Variants in LIPA observed in about 807,000 individuals in gnomAD.
LIPA encodes lysosomal acid lipase/cholesteryl ester hydrolase.
In LIPA, 26 loss-of-function variants were observed where a neutral mutation model predicts 40.6. The observed-to-expected ratio is 0.64, with a 90% CI of 0.47 to 0.89. The LOEUF is 0.89. Among genes scored for constraint, LIPA ranks in the 40% least tolerant of loss-of-function variants. The pLI is 0.00. For missense variants in LIPA, 455 were observed against 479.6 expected, an observed-to-expected ratio of 0.95 and a Z score of 0.48; for synonymous variants, 188 against 168.4, an observed-to-expected ratio of 1.12 and a Z score of -0.90.
intron 2 of LIPA, 137 bp from the exon 3 acceptor site, chr10:89,245,930 A>G (rs1039626572): frequency 2.8e-6 from 2 of 708,730 alleles, no homozygotes; most frequent in African/African-American, 3.5e-5. Context: ...AGTCTGCTAA[A>G]TCTAGTAGCC....
chr10:89,300,995 G>A (rs61853126), intron 1 of LIPA, among the ~76,000 whole-genome samples: 4,162 of 152,200 alleles, frequency 0.027, 85 homozygotes, highest in Non-Finnish European at 0.043. Flanking sequence ...TTTGGTTAAC[G>A]ATTTTAGTTA....
At chr10:89,413,897 C>G (rs1463699017) in intron 1 of LIPA, among the ~76,000 whole-genome samples, 1 of 151,990 alleles carries the variant, frequency 6.6e-6, no homozygotes, top group African/African-American at 2.4e-5. Flanking sequence ...ATTGACAGTA[C>G]TTTGAACAAA....
chr10:89,239,853 G>A (rs768478293), intron 3 of LIPA, among the ~76,000 whole-genome samples: 6 of 152,240 alleles, frequency 3.9e-5, no homozygotes, highest in Non-Finnish European at 7.4e-5. Context: ...ATTAGTATAC[G>A]ATGCAGCTGG....
chr10:89,315,591 A>G (rs1409461675), intron 1 of LIPA, among the ~76,000 whole-genome samples: 1 of 152,200 alleles, frequency 6.6e-6, no homozygotes. Context: ...TGAAAAGAAA[A>G]AAAAAACCTC....
chr10:89,391,206 G>GT (rs1844247361), intron 2 of LIPA, among the ~76,000 whole-genome samples: 1 of 152,164 alleles, frequency 6.6e-6, no homozygotes, highest in Non-Finnish European at 1.5e-5. Context: ...AGGAAACATT[G>GT]TTTTTATATA....
intron 1 of LIPA, among the ~76,000 whole-genome samples, chr10:89,322,465 T>C (rs1031448714): frequency 6.6e-6 from 1 of 151,978 alleles, no homozygotes; most frequent in African/African-American, 2.4e-5. Context: ...TCTCCAACAC[T>C]GGAAAGGGTG....
At chr10:89,412,708 G>A (rs373046347) in intron 2 of LIPA, 22 of 427,394 alleles carry the variant, frequency 5.1e-5, no homozygotes, top group African/African-American at 3.3e-4. Context: ...GAACAACTCC[G>A]GACGCGCCAC....
chr10:89,384,100 A>G, intron 2 of LIPA: 1 of 1,614,194 alleles, frequency 6.2e-7, no homozygotes, highest in Non-Finnish European at 8.5e-7. Context: ...GTTTTATCGA[A>G]GAAAAGGGTC....
intron 2 of LIPA, chr10:89,383,176 T>A (rs1844176004): frequency 1.4e-6 from 1 of 703,838 alleles, no homozygotes; most frequent in Non-Finnish European, 2.3e-6. Context: ...CCTAATGACA[T>A]GACTGTAGAA....
At chr10:89,287,511 C>A (rs1843347307) in intron 1 of LIPA, among the ~76,000 whole-genome samples, 1 of 152,120 alleles carries the variant, frequency 6.6e-6, no homozygotes, top group Non-Finnish European at 1.5e-5. Flanking sequence ...ACTACAGCCA[C>A]ATCTCATTGC....
At chr10:89,239,058 T>A (rs1842937202) in intron 3 of LIPA, among the ~76,000 whole-genome samples, 1 of 152,214 alleles carries the variant, frequency 6.6e-6, no homozygotes, top group African/African-American at 2.4e-5. Flanking sequence ...GCATACTAAG[T>A]GTTGACAATG....
intron 3 of LIPA, among the ~76,000 whole-genome samples, chr10:89,239,794 G>A (rs746943823): frequency 6.6e-6 from 1 of 152,066 alleles, no homozygotes; most frequent in Non-Finnish European, 1.5e-5. Context: ...TTCCTCCTTT[G>A]GGGCCTCTGA....
At chr10:89,343,340 G>A (rs574360564), upstream of LIPA, among the ~76,000 whole-genome samples, 8 of 152,296 alleles carry the variant, frequency 5.3e-5, no homozygotes, top group African/African-American at 1.9e-4. Context: ...TCTCTGTGTA[G>A]CATTTCTTCT....
intron 2 of LIPA, among the ~76,000 whole-genome samples, chr10:89,401,454 G>A (rs964045436): frequency 6.6e-6 from 1 of 152,082 alleles, no homozygotes; most frequent in African/African-American, 2.4e-5. Flanking sequence ...AAATTACAGA[G>A]ATGAAGAACA....
At position 89,216,016 on chromosome 10, in the gene LIPA, A is replaced by G. The variant is rs756396844; in HGVS notation, c.895-7T>C. 3.8e-5 allele frequency: 60 copies of G among 1,596,902 alleles called. No individual in the cohort carries two copies. Among genetic ancestry groups the G allele is most frequent in the Non-Finnish European group, 5.0e-5 (58 of 1,164,368 alleles). ...ACTTTTGGAATTTAACAGCCTAAAAAGAAGATAATTTGGAAAAGAGTTATC... is the reference window on the plus strand; with the variant it reads ...ACTTTTGGAATTTAACAGCCTAAAAGGAAGATAATTTGGAAAAGAGTTATC... On this transcript the variant is annotated splice_region_variant and splice_polypyrimidine_tract_variant and intron_variant, in intron 8 of 9. Transcript: ENST00000336233.
chr10:89,214,639 A>T lies in LIPA; in HGVS notation c.*189T>A. 1 of 570,794 alleles carries T rather than the reference A, an allele frequency of 1.8e-6. No homozygotes were observed. The highest frequency in any genetic ancestry group is 3.1e-6 in the Non-Finnish European group (1 of 322,454). 35.4% of individuals were successfully genotyped at this position (570,794 alleles called of 1,614,324 possible). A position where few individuals can be genotyped will look rare whatever the true frequency, so the allele number is the denominator to read the frequency against. On this transcript the variant is annotated 3_prime_UTR_variant, in exon 10 of 10. Coordinates refer to ENST00000336233, the MANE Select transcript of LIPA (RefSeq NM_000235.4). ...TGGCTTCCTATTCCAGCCCTAATTA[A>T]AGAAAAAATAGCTAGTATGTTTCTA...
intron 2 of LIPA, among the ~76,000 whole-genome samples, chr10:89,377,606 A>G (rs1844131210): frequency 6.6e-6 from 1 of 152,220 alleles, no homozygotes; most frequent in Admixed American, 6.5e-5. Context: ...TCATTCTTCC[A>G]CAAATTGACA....
At chr10:89,325,709 G>A (rs1207279178) in intron 1 of LIPA, among the ~76,000 whole-genome samples, 1 of 152,058 alleles carries the variant, frequency 6.6e-6, no homozygotes, top group African/African-American at 2.4e-5. Context: ...CCTACTTGAG[G>A]GTAAAGAATG....
chr10:89,317,217 T>C (rs1229806470), intron 1 of LIPA, among the ~76,000 whole-genome samples: 1 of 152,178 alleles, frequency 6.6e-6, no homozygotes, highest in African/African-American at 2.4e-5. Flanking sequence ...GAGAATGACT[T>C]TGATGAGTTG....
Sources: allele counts gnomAD v4.1 joint callset (sites outside exome capture counted in the v4.1 genomes callset), GRCh38; gene constraint gnomAD v4.1.1; transcripts MANE v1.5; gene names NCBI Gene and HGNC (gene_info 2026-07-23, HGNC 2026-07-21).